The following CPLANE1 variants were observed in gnomAD, a reference collection of about 807,000 sequenced individuals.
CPLANE1 encodes ciliogenesis and planar polarity effector complex subunit 1, also known as ciliogenesis and planar polarity effector 1.
In CPLANE1, 263 loss-of-function variants were observed where a neutral mutation model predicts 362.5. The ratio of observed to expected loss-of-function variants is 0.73; its 90% CI spans 0.66 to 0.80. The LOEUF (loss-of-function observed/expected upper bound fraction) is 0.80. Ranked by LOEUF, CPLANE1 falls within the 30% of genes least tolerant of loss-of-function variation. CPLANE1 has a pLI of 0.00. For missense variants in CPLANE1, 3,461 were observed against 3,793.4 expected, an observed-to-expected ratio of 0.91 and a Z score of 2.30; for synonymous variants, 1,212 against 1,302.6, an observed-to-expected ratio of 0.93 and a Z score of 1.50.
intron 19 of CPLANE1, among the ~76,000 whole-genome samples, chr5:37,200,238 C>CT (rs1478054013): frequency 3.9e-5 from 6 of 152,304 alleles, no homozygotes; most frequent in Non-Finnish European, 8.8e-5. Context: ...ACAAGGGGTT[C>CT]TAACTGATAT....
chr5:37,248,436 G>C (rs1351679866), intron 1 of CPLANE1, among the ~76,000 whole-genome samples: 1 of 152,122 alleles, frequency 6.6e-6, no homozygotes, highest in Non-Finnish European at 1.5e-5. Flanking sequence ...GGCCAAATTA[G>C]ATGGGCTTGT....
At chr5:37,086,417 T>C in the CPLANE1 span, among the ~76,000 whole-genome samples, 3 of 152,074 alleles carry the variant, frequency 2.0e-5, no homozygotes, top group African/African-American at 7.2e-5. Flanking sequence ...GTGGGGAAAA[T>C]TATAAAATAA....
chr5:37,077,427 TCTTCTGA>T, the CPLANE1 span, among the ~76,000 whole-genome samples: 1 of 152,160 alleles, frequency 6.6e-6, no homozygotes, highest in African/African-American at 2.4e-5. Context: ...TTGTCTTCTG[TCTTCTGA>T]AAATTTGTTG....
intron 29 of CPLANE1, among the ~76,000 whole-genome samples, chr5:37,178,923 G>A (rs1263926379): frequency 6.6e-6 from 1 of 151,944 alleles, no homozygotes; most frequent in Non-Finnish European, 1.5e-5. Flanking sequence ...CACCATGCCT[G>A]GCTATTTTTT....
intron 31 of CPLANE1, among the ~76,000 whole-genome samples, chr5:37,174,221 T>A (rs543033376): frequency 3.4e-4 from 51 of 152,206 alleles, no homozygotes; most frequent in Non-Finnish European, 6.6e-4. Context: ...AGAGCTGACA[T>A]ATATTTTACT....
chr5:37,158,631 T>G (rs540339547), intron 38 of CPLANE1, among the ~76,000 whole-genome samples: 10 of 152,336 alleles, frequency 6.6e-5, no homozygotes, highest in African/African-American at 1.9e-4. Context: ...AAATTTCCTA[T>G]TTCCGTATCA....
intron 46 of CPLANE1, among the ~76,000 whole-genome samples, chr5:37,127,515 ATT>A (rs556523898): frequency 8.1e-4 from 108 of 133,974 alleles, no homozygotes; most frequent in African/African-American, 3.6e-4. Context: ...TTTTTATTTA[ATT>A]TTTTTTTTTT....
intron 21 of CPLANE1, among the ~76,000 whole-genome samples, chr5:37,192,458 A>G (rs533149440): frequency 1.9e-4 from 29 of 152,280 alleles, no homozygotes; most frequent in African/African-American, 6.7e-4. Context: ...AAAATTGTCT[A>G]ATGACACATT....
chr5:37,188,061 C>T (rs1381068362), intron 21 of CPLANE1, among the ~76,000 whole-genome samples: 1 of 152,068 alleles, frequency 6.6e-6, no homozygotes, highest in Non-Finnish European at 1.5e-5. Flanking sequence ...TATGTTTAAA[C>T]ATTTTTAATA....
chr5:37,191,311 T>C (rs1785489779), intron 21 of CPLANE1, among the ~76,000 whole-genome samples: 1 of 151,706 alleles, frequency 6.6e-6, no homozygotes, highest in South Asian at 2.1e-4. Flanking sequence ...GGCGGGAGGA[T>C]CGATTGAGCC....
At chr5:37,093,921 T>C in the CPLANE1 span, among the ~76,000 whole-genome samples, 1 of 151,850 alleles carries the variant, frequency 6.6e-6, no homozygotes, top group African/African-American at 2.4e-5. Flanking sequence ...AACAGGAATG[T>C]AGAGTAGTTT....
Position 37,182,993 on chromosome 5 carries a change from G to A in CPLANE1, c.5188C>T (p.Gln1730Ter), listed in dbSNP as rs1274935542. ...KAIQCNDINP[Q>*]EDLPLALNTF... Reference sequence around the variant, plus strand: ...TTTAGTGCTAAAGGAAGATCTTCTTGAGGGTTAATATCATTGCACTGAATA... The same window carrying A: ...TTTAGTGCTAAAGGAAGATCTTCTTAAGGGTTAATATCATTGCACTGAATA... The change falls in exon 26 of 53, where the codon CAA becomes TAA. Residue 1730 changes from glutamine to a stop codon, truncating the protein, a stop_gained. Transcript: ENST00000651892. LOFTEE classifies it high-confidence loss of function. 1 of 1,610,672 alleles carries A rather than the reference G, an allele frequency of 6.2e-7. No homozygotes were observed. Among genetic ancestry groups the A allele is most frequent in the South Asian group, 1.1e-5 (1 of 90,496 alleles).
rs539526918 is a variant in CPLANE1 at position 37,227,651 on chromosome 5, A to G, written c.1288T>C (p.Ser430Pro). The G allele has an allele frequency of 6.4e-7, 1 of 1,551,490 alleles. No homozygotes were observed. The highest frequency in any genetic ancestry group is 1.4e-5 in the African/African-American group (1 of 73,140). ...AGTGATCTCATGTGTACTGATGGAG[A>G]TAGGCTATCAAGAAATCGAAGGGTT... ...VTTLRFLDSL[S>P]PSVHMRSLLL... is the part of the protein sequence containing the mutation. The change falls in exon 10 of 53, where the codon TCT (serine) becomes CCT (proline). Residue 430 changes from serine to proline, a missense_variant. By Grantham distance (74) the Ser-to-Pro change is moderately conservative. Transcript: ENST00000651892.
At chr5:37,126,534 C>T (rs1430440413) in intron 46 of CPLANE1, among the ~76,000 whole-genome samples, 1 of 152,222 alleles carries the variant, frequency 6.6e-6, no homozygotes, top group African/African-American at 2.4e-5. Context: ...AGAGCTGCAT[C>T]ATAGTCTGAT....
chr5:37,115,108 T>G, intron 50 of CPLANE1, 59 bp from the exon 51 acceptor site: 2 of 1,112,962 alleles, frequency 1.8e-6, no homozygotes, highest in Middle Eastern at 2.0e-4. Context: ...TTTATATATA[T>G]TGTGAGTTAT....
chr5:37,198,158 A>G (rs139727369), intron 20 of CPLANE1, among the ~76,000 whole-genome samples: 1 of 152,334 alleles, frequency 6.6e-6, no homozygotes, highest in Non-Finnish European at 1.5e-5. Flanking sequence ...CAGGTGTCCT[A>G]TCTGGCTAGA....
At chr5:37,191,935 C>T (rs1785659290) in intron 21 of CPLANE1, among the ~76,000 whole-genome samples, 1 of 151,870 alleles carries the variant, frequency 6.6e-6, no homozygotes, top group South Asian at 2.1e-4. Flanking sequence ...TTTAGTATAG[C>T]CTAAGTGTAC....
chr5:37,188,280 A>G (rs1196530295), intron 21 of CPLANE1, among the ~76,000 whole-genome samples: 3 of 152,208 alleles, frequency 2.0e-5, no homozygotes, highest in Non-Finnish European at 2.9e-5. Flanking sequence ...TTAACTATAC[A>G]CAATGCACAG....
intron 42 of CPLANE1, among the ~76,000 whole-genome samples, chr5:37,153,123 C>A (rs1278552022): frequency 6.6e-6 from 1 of 151,982 alleles, no homozygotes; most frequent in African/African-American, 2.4e-5. Context: ...GGGTTTACTT[C>A]CTTTTTGTAT....
Sources: allele counts gnomAD v4.1 joint callset (sites outside exome capture counted in the v4.1 genomes callset), GRCh38; gene constraint gnomAD v4.1.1; transcripts MANE v1.5; gene names NCBI Gene and HGNC (gene_info 2026-07-23, HGNC 2026-07-21).